Variants in SLC39A11 observed in about 807,000 individuals in gnomAD.
SLC39A11 encodes zinc transporter ZIP11.
SLC39A11 carries 33 observed loss-of-function variants against 36.1 expected under a neutral mutation model. That is an observed-to-expected ratio of 0.91 (90% confidence interval 0.69 to 1.22). The LOEUF is 1.22. Ranked by LOEUF, SLC39A11 falls within the 50% of genes most tolerant of loss-of-function variation. The pLI, the probability that SLC39A11 is intolerant of heterozygous loss-of-function variation, is 0.00. For synonymous variants in SLC39A11, 166 were observed against 170.3 expected (o/e 0.97, Z 0.20); for missense variants, 432 against 430.3 (o/e 1.00, Z -0.03).
chr17:72,885,833 T>C (rs1375577316), intron 5 of SLC39A11, among the ~76,000 whole-genome samples: 2 of 152,158 alleles, frequency 1.3e-5, no homozygotes, highest in Non-Finnish European at 2.9e-5. Flanking sequence ...ACTCTCCATC[T>C]ATTCTGCACT....
At chr17:73,048,375 T>C (rs1220162849) in intron 3 of SLC39A11, among the ~76,000 whole-genome samples, 1 of 152,194 alleles carries the variant, frequency 6.6e-6, no homozygotes, top group East Asian at 1.9e-4. Flanking sequence ...TCCCATTCTT[T>C]TTTATGACTG....
At chr17:72,772,929 T>C (rs2076001316) in intron 6 of SLC39A11, among the ~76,000 whole-genome samples, 1 of 151,744 alleles carries the variant, frequency 6.6e-6, no homozygotes. Context: ...ACTAAAAAAA[T>C]ACAAAAATTA....
chr17:73,021,746 CAA>C (rs1320515321), intron 4 of SLC39A11, among the ~76,000 whole-genome samples: 2 of 152,156 alleles, frequency 1.3e-5, no homozygotes, highest in African/African-American at 2.4e-5. Context: ...CAAGAGACAG[CAA>C]GAGAGGACAG....
chr17:72,725,249 TC>T (rs1305712611), intron 7 of SLC39A11, among the ~76,000 whole-genome samples: 1 of 152,196 alleles, frequency 6.6e-6, no homozygotes, highest in East Asian at 1.9e-4. Context: ...ACCTCTATGC[TC>T]CCCTGCTAGG....
intron 7 of SLC39A11, among the ~76,000 whole-genome samples, chr17:72,697,647 C>T (rs1472837514): frequency 6.6e-6 from 1 of 152,162 alleles, no homozygotes; most frequent in Non-Finnish European, 1.5e-5. Flanking sequence ...TCACCAGTGG[C>T]AGCTAAGTCC....
chr17:72,754,020 G>T (rs9709062), intron 6 of SLC39A11, among the ~76,000 whole-genome samples: 5 of 108,352 alleles, frequency 4.6e-5, no homozygotes, highest in East Asian at 5.4e-4. Context: ...ATGTATATAT[G>T]TATATATATA....
chr17:72,646,366 TTTG>T lies in SLC39A11; in HGVS notation c.*1215_*1217del, dbSNP rs2069559807. The T allele has an allele frequency of 6.6e-6, 1 of 152,334 alleles. No individual in the cohort carries two copies. The highest frequency in any genetic ancestry group is 2.1e-4 in the South Asian group (1 of 4,826). The allele number at this position is 152,334 out of a possible 1,614,324, so 9.4% of individuals were successfully genotyped here. A position where few individuals can be genotyped will look rare whatever the true frequency, so the allele number is the denominator to read the frequency against. Reference sequence around the variant, plus strand: ...ATGAGGATGGCAGGCCTTATCTGTGTTTGAAGTGGACAGGTCATTGCTACCCCT... The same window carrying T: ...ATGAGGATGGCAGGCCTTATCTGTGTAAGTGGACAGGTCATTGCTACCCCT... On this transcript the variant is annotated 3_prime_UTR_variant, in exon 10 of 10. Transcript: ENST00000255559.
At chr17:72,879,615 C>A (rs1260844209) in intron 5 of SLC39A11, among the ~76,000 whole-genome samples, 1 of 152,216 alleles carries the variant, frequency 6.6e-6, no homozygotes, top group Non-Finnish European at 1.5e-5. Context: ...ACCACCCTCA[C>A]AGGGTGAACA....
At chr17:72,763,766 G>C (rs2075671093) in intron 6 of SLC39A11, among the ~76,000 whole-genome samples, 1 of 152,180 alleles carries the variant, frequency 6.6e-6, no homozygotes, top group Non-Finnish European at 1.5e-5. Flanking sequence ...AGGAAACAGG[G>C]CCCTTTAAGA....
At chr17:72,710,969 T>G (rs2073084769) in intron 7 of SLC39A11, among the ~76,000 whole-genome samples, 1 of 152,116 alleles carries the variant, frequency 6.6e-6, no homozygotes, top group Admixed American at 6.5e-5. Flanking sequence ...TCCAATCACA[T>G]CCTCCCTCCC....
chr17:72,737,823 A>G (rs1228718034), intron 6 of SLC39A11, among the ~76,000 whole-genome samples: 1 of 151,964 alleles, frequency 6.6e-6, no homozygotes, highest in East Asian at 1.9e-4. Context: ...CAGGCCCCAA[A>G]TACTGAGACT....
chr17:72,944,769 G>C (rs997562898), intron 5 of SLC39A11, among the ~76,000 whole-genome samples: 3 of 152,182 alleles, frequency 2.0e-5, no homozygotes, highest in Non-Finnish European at 2.9e-5. Flanking sequence ...GGGCTAATTA[G>C]GTAGCATCAT....
chr17:73,001,572 A>T (rs1005043326), intron 4 of SLC39A11, among the ~76,000 whole-genome samples: 21 of 152,250 alleles, frequency 1.4e-4, no homozygotes, highest in Admixed American at 4.6e-4. Context: ...ATAATAATAA[A>T]AAAAAAGAAA....
chr17:72,668,186 C>T (rs574010084), intron 7 of SLC39A11, among the ~76,000 whole-genome samples: 1 of 147,382 alleles, frequency 6.8e-6, no homozygotes, highest in East Asian at 2.0e-4. Context: ...AATATTAATG[C>T]TGTTTAAGAA....
intron 3 of SLC39A11, among the ~76,000 whole-genome samples, chr17:73,075,682 A>G (rs1480728336): frequency 6.6e-6 from 1 of 152,126 alleles, no homozygotes; most frequent in Non-Finnish European, 1.5e-5. Context: ...GCGAAACTCC[A>G]TCTCTACTAA....
intron 6 of SLC39A11, among the ~76,000 whole-genome samples, chr17:72,756,390 A>T (rs1192701480): frequency 1.3e-5 from 2 of 152,260 alleles, no homozygotes; most frequent in African/African-American, 4.8e-5. Context: ...CCAAGTGTTT[A>T]TGGATGGATC....
chr17:72,858,603 T>A (rs2146169584), intron 5 of SLC39A11, among the ~76,000 whole-genome samples: 1 of 152,310 alleles, frequency 6.6e-6, no homozygotes, highest in African/African-American at 2.4e-5. Flanking sequence ...TCTTCCTATC[T>A]CCATAAGCAT....
intron 6 of SLC39A11, among the ~76,000 whole-genome samples, chr17:72,824,933 G>A (rs2077949538): frequency 6.6e-6 from 1 of 151,362 alleles, no homozygotes; most frequent in Non-Finnish European, 1.5e-5. Context: ...AAGGGAAGCA[G>A]AGCAAAAAGT....
At chr17:73,034,135 T>G (rs1362275654) in intron 3 of SLC39A11, among the ~76,000 whole-genome samples, 1 of 152,184 alleles carries the variant, frequency 6.6e-6, no homozygotes, top group Non-Finnish European at 1.5e-5. Context: ...CTTACTAGCT[T>G]TAGAATTCAA....
Sources: allele counts gnomAD v4.1 joint callset (sites outside exome capture counted in the v4.1 genomes callset), GRCh38; gene constraint gnomAD v4.1.1; transcripts MANE v1.5; gene names NCBI Gene and HGNC (gene_info 2026-07-23, HGNC 2026-07-21).